The following ITGA9 variants were observed in gnomAD, a reference collection of about 807,000 sequenced individuals.
ITGA9 encodes integrin alpha-9.
In ITGA9, 56 loss-of-function variants were observed where a neutral mutation model predicts 127.8. That is an observed-to-expected ratio of 0.44 (90% CI 0.35 to 0.55). The LOEUF is 0.55. ITGA9 is among the 20% of genes least tolerant of loss of function. The pLI is 0.00. For missense variants in ITGA9, 1,196 were observed against 1,347.1 expected, an observed-to-expected ratio of 0.89 and a Z score of 1.76; for synonymous variants, 508 against 514.5, an observed-to-expected ratio of 0.99 and a Z score of 0.17.
Position 37,748,253 on chromosome 3 carries a change from T to C in ITGA9, c.2434-2209T>C, listed in dbSNP as rs150669281. Reference sequence around the variant, plus strand: ...ATAGACATCAAGGGAATGGGTACTGTTCAAAAAGGAAGGCCCCGCAAGTAT... The same window carrying C: ...ATAGACATCAAGGGAATGGGTACTGCTCAAAAAGGAAGGCCCCGCAAGTAT... On this transcript the variant is annotated intron_variant, in intron 22 of 27. Transcript: ENST00000264741. 1,632 of 493,606 alleles carry C rather than the reference T, an allele frequency of 3.3e-3. 38 individuals carry two copies. In the Admixed American group the frequency reaches 0.036, roughly 11 times the overall value. The allele number at this position is 493,606 out of a possible 1,614,324, so 30.6% of individuals were successfully genotyped here.
At position 37,519,184 on chromosome 3, in the gene ITGA9, G is replaced by A. The variant is rs6793038; in HGVS notation, c.1142-76G>A. 9.7e-3 allele frequency: 10,633 copies of A among 1,096,708 alleles called. 696 individuals are homozygous for A. In the African/African-American group the frequency reaches 0.14, roughly 15 times the overall value. 67.9% of individuals were successfully genotyped at this position (1,096,708 alleles called of 1,614,324 possible). A position where few individuals can be genotyped will look rare whatever the true frequency, so the allele number is the denominator to read the frequency against. On this transcript the variant is annotated intron_variant, in intron 10 of 27. Transcript: ENST00000264741. The stretch of plus-strand genomic sequence containing the variant: ...TTCTGGTATCCAGGGACTCAGACAT[G>A]ACAACCAGAATTAGGGAAGCTGCAC...
At chr3:37,639,153 T>G (rs1700309034) in intron 16 of ITGA9, among the ~76,000 whole-genome samples, 1 of 152,208 alleles carries the variant, frequency 6.6e-6, no homozygotes, top group Non-Finnish European at 1.5e-5. Flanking sequence ...CCTGCATCTG[T>G]CTCATCAGAA....
At chr3:37,513,482 ACGTG>A (rs1037224299) in intron 8 of ITGA9, among the ~76,000 whole-genome samples, 1 of 152,062 alleles carries the variant, frequency 6.6e-6, no homozygotes. Context: ...CATGTGCACA[ACGTG>A]CAGGTTTGTT....
intron 16 of ITGA9, among the ~76,000 whole-genome samples, chr3:37,641,427 C>A (rs1700332478): frequency 6.6e-6 from 1 of 152,176 alleles, no homozygotes; most frequent in Admixed American, 6.5e-5. Flanking sequence ...TTTAGGGTGT[C>A]TGGCCCTCAC....
Position 37,502,350 on chromosome 3 carries a change from G to T in ITGA9, c.613-828G>T, listed in dbSNP as rs577840831. Among the ~76,000 whole-genome samples the T allele has an allele frequency of 1.4e-4, 22 of 151,880 alleles. No homozygotes were observed. In the East Asian group the frequency reaches 3.5e-3, roughly 24 times the overall value. On this transcript the variant is annotated intron_variant, in intron 5 of 27. Coordinates refer to ENST00000264741, the MANE Select transcript of ITGA9 (RefSeq NM_002207.3). ...CTGCCTCAGCCTCCTGAGTAGCTGG[G>T]ATTACAGGCATGTGCCACTACACCT...
intron 15 of ITGA9, among the ~76,000 whole-genome samples, chr3:37,605,884 C>CT (rs912028665): frequency 7.9e-5 from 12 of 151,362 alleles, no homozygotes; most frequent in South Asian, 4.2e-4. Flanking sequence ...TGATTAAACC[C>CT]TTTTTTTTTA....
intron 23 of ITGA9, among the ~76,000 whole-genome samples, chr3:37,760,603 T>C (rs1696712545): frequency 6.6e-6 from 1 of 152,130 alleles, no homozygotes; most frequent in African/African-American, 2.4e-5. Context: ...ATAAATGATA[T>C]GAAGACAATT....
chr3:37,717,130 A>G (rs1216752252), intron 18 of ITGA9, among the ~76,000 whole-genome samples: 1 of 152,202 alleles, frequency 6.6e-6, no homozygotes, highest in East Asian at 1.9e-4. Context: ...TGCCAAGGCA[A>G]TTACTTTACA....
intron 18 of ITGA9, among the ~76,000 whole-genome samples, chr3:37,694,488 G>A (rs770281318): frequency 6.6e-6 from 1 of 152,232 alleles, no homozygotes; most frequent in African/African-American, 2.4e-5. Context: ...TCACAAGGCG[G>A]CTTCAGTATT....
intron 3 of ITGA9, among the ~76,000 whole-genome samples, chr3:37,475,164 C>A (rs1008804774): frequency 1.3e-5 from 2 of 152,250 alleles, no homozygotes; most frequent in Non-Finnish European, 2.9e-5. Context: ...CCTGACTGGA[C>A]AAATGGGCCC....
intron 15 of ITGA9, among the ~76,000 whole-genome samples, chr3:37,589,248 A>G (rs866213152): frequency 1.3e-5 from 2 of 152,210 alleles, no homozygotes; most frequent in Non-Finnish European, 2.9e-5. Flanking sequence ...ATTGTTCACC[A>G]GGTGTCCTGG....
At chr3:37,606,778 T>C (rs867249615) in intron 15 of ITGA9, among the ~76,000 whole-genome samples, 6 of 152,056 alleles carry the variant, frequency 3.9e-5, no homozygotes, top group South Asian at 2.1e-4. Flanking sequence ...GAGCATGGGC[T>C]TTCTTCTGTT....
chr3:37,780,827 A>G (rs1696968211), intron 25 of ITGA9, among the ~76,000 whole-genome samples: 1 of 152,188 alleles, frequency 6.6e-6, no homozygotes, highest in Non-Finnish European at 1.5e-5. Flanking sequence ...CATCCTCACC[A>G]ACATCTGTTG....
chr3:37,804,045 T>C lies in ITGA9; in HGVS notation c.3009+103T>C, dbSNP rs1321594282. ...GAGTATCCTGTTAGAGCTTCCTTCA[T>C]GGCACCGGTACAGTGAAGGACAGTG... On this transcript the variant is annotated intron_variant, in intron 27 of 27. Coordinates refer to ENST00000264741, the MANE Select transcript of ITGA9 (RefSeq NM_002207.3). 1.6e-5 allele frequency: 25 copies of C among 1,537,470 alleles called. No individual in the cohort carries two copies. In the Admixed American group the frequency reaches 3.9e-4, roughly 24 times the overall value.
chr3:37,503,621 G>A (rs1375434429), intron 6 of ITGA9, among the ~76,000 whole-genome samples: 1 of 152,204 alleles, frequency 6.6e-6, no homozygotes, highest in Non-Finnish European at 1.5e-5. Flanking sequence ...AGGTAGAAAT[G>A]AGTGTGATGG....
rs10694316 is a variant in ITGA9, at chr3:37,764,466, T to TAAAAAA, written c.2542-12906_2542-12901dup. ...CTCAGAAACACTCCGAGATTCTCAG[T>TAAAAAA]AAAAAAAAAAAAAAAAAAAAAAAAA... On this transcript the variant is annotated intron_variant, in intron 23 of 27. Coordinates refer to ENST00000264741, the MANE Select transcript of ITGA9 (RefSeq NM_002207.3). Among the ~76,000 whole-genome samples the TAAAAAA allele has an allele frequency of 1.6e-3, 117 of 74,644 alleles. 2 individuals are homozygous for TAAAAAA. Among genetic ancestry groups the TAAAAAA allele is most frequent in the African/African-American group, 5.6e-3 (105 of 18,694 alleles). 49.0% of individuals were successfully genotyped at this position (74,644 alleles called of 152,430 possible). A position where few individuals can be genotyped will look rare whatever the true frequency, so the allele number is the denominator to read the frequency against.
At chr3:37,795,455 C>T (rs1472304589) in intron 26 of ITGA9, among the ~76,000 whole-genome samples, 6 of 152,224 alleles carry the variant, frequency 3.9e-5, no homozygotes, top group Non-Finnish European at 8.8e-5. Context: ...AAGCTGGCTT[C>T]TGGCCACTCC....
chr3:37,452,993 C>A lies in ITGA9; in HGVS notation c.185+434C>A, dbSNP rs1045166932. Among the ~76,000 whole-genome samples, 1 of 152,214 alleles carries A rather than the reference C, an allele frequency of 6.6e-6. No individual in the cohort carries two copies. The highest frequency in any genetic ancestry group is 1.5e-5 in the Non-Finnish European group (1 of 68,030). ...CGGGGCACTGGAGCTGCACCCCTCC[C>A]CGGTTTTGGGGAACCCCTGAGGAAG... is the stretch of plus-strand genomic sequence containing the variant. On this transcript the variant is annotated intron_variant, in intron 1 of 27. Transcript: ENST00000264741. The surrounding 1 kb of genome is among the most constrained non-coding windows in gnomAD (Gnocchi z 7.3).
intron 15 of ITGA9, among the ~76,000 whole-genome samples, chr3:37,622,380 T>C (rs527814999): frequency 1.4e-4 from 22 of 152,232 alleles, no homozygotes; most frequent in African/African-American, 4.6e-4. Context: ...TGAGCCACCG[T>C]GCCCAGCCTT....
Sources: gnomAD v4.1 joint callset for allele counts (sites outside exome capture counted in the v4.1 genomes callset) on GRCh38, gnomAD v4.1.1 for gene constraint, Gnocchi (gnomAD v3.1) non-coding constraint, MANE v1.5 for transcripts, NCBI Gene and HGNC (gene_info 2026-07-23, HGNC 2026-07-21) for gene names.